Variants in CUX2 observed in about 807,000 individuals in gnomAD.
The protein encoded by CUX2 is homeobox protein cut-like 2.
CUX2 carries 40 observed loss-of-function variants against 144.8 expected under a neutral mutation model. The observed-to-expected ratio is 0.28, with a 90% CI of 0.21 to 0.36. The LOEUF (loss-of-function observed/expected upper bound fraction) is 0.36, where lower values mean the gene tolerates loss of function less well. Ranked by LOEUF, CUX2 falls within the 10% of genes least tolerant of loss-of-function variation. The pLI, the probability that CUX2 is intolerant of heterozygous loss-of-function variation, is 1.00. For missense variants in CUX2, 1,615 were observed against 1,994.0 expected (o/e 0.81, Z 3.62); for synonymous variants, 827 against 875.6 (o/e 0.94, Z 0.98).
chr12:111,199,070 A>G (rs1880413020), intron 1 of CUX2, among the ~76,000 whole-genome samples: 1 of 152,100 alleles, frequency 6.6e-6, no homozygotes, highest in Non-Finnish European at 1.5e-5. Context: ...GCGGAGAGAG[A>G]AGGGAGGAGG....
In CUX2 at chr12:111,337,561, G is replaced by A. The variant is rs554107038; in HGVS notation, c.3197-725G>A. ...TAAAAATAAGTCTGTGTGCATCTGTGTGAACTTGGGCAAGTGCAGCTATCC... is the reference window on the plus strand; with the variant it reads ...TAAAAATAAGTCTGTGTGCATCTGTATGAACTTGGGCAAGTGCAGCTATCC... On this transcript the variant is annotated intron_variant, in intron 19 of 21. Transcript: ENST00000261726. Among the ~76,000 whole-genome samples, 4 of 152,314 alleles carry A rather than the reference G, an allele frequency of 2.6e-5. No individual in the cohort carries two copies. In the South Asian group the frequency reaches 6.2e-4, roughly 24 times the overall value.
chr12:111,314,993 G>T (rs1181197641), intron 16 of CUX2, among the ~76,000 whole-genome samples: 1 of 152,180 alleles, frequency 6.6e-6, no homozygotes, highest in Non-Finnish European at 1.5e-5. Flanking sequence ...ACTTTCTCCT[G>T]GGGGTCGGAA....
chr12:111,090,258 G>T (rs1054675678), intron 1 of CUX2, among the ~76,000 whole-genome samples: 1 of 152,184 alleles, frequency 6.6e-6, no homozygotes, highest in Non-Finnish European at 1.5e-5. Flanking sequence ...GGGCTGGCCC[G>T]AAAGGGGCAA....
chr12:111,161,974 G>A (rs928387964), intron 1 of CUX2, among the ~76,000 whole-genome samples: 12 of 152,178 alleles, frequency 7.9e-5, no homozygotes, highest in East Asian at 1.9e-4. Context: ...GGGCTCAAGC[G>A]ATCCTCCTGC....
At chr12:111,326,797 G>T (rs558019827) in intron 18 of CUX2, among the ~76,000 whole-genome samples, 2 of 152,042 alleles carry the variant, frequency 1.3e-5, no homozygotes, top group Non-Finnish European at 2.9e-5. Flanking sequence ...CCAGCTACTC[G>T]GGAGGCTAAG....
At chr12:111,207,486 C>A (rs185765834) in intron 1 of CUX2, among the ~76,000 whole-genome samples, 3 of 152,214 alleles carry the variant, frequency 2.0e-5, no homozygotes, top group African/African-American at 7.2e-5. Context: ...CAGATGAGGT[C>A]CAACATCTTC....
rs1421431675 is a variant in CUX2 at position 111,169,676 on chromosome 12, G to A, written c.64-44524G>A. On this transcript the variant is annotated intron_variant, in intron 1 of 21. Coordinates refer to ENST00000261726, the MANE Select transcript of CUX2 (RefSeq NM_015267.4). ...GGCTCCGCAGCCTGCTTCGCGTCAC[G>A]TTAATATGTGATTAAAGGGGTCTTA... Among the ~76,000 whole-genome samples the A allele has an allele frequency of 8.5e-5, 13 of 152,290 alleles. No homozygotes were observed. In the South Asian group the frequency reaches 1.5e-3, roughly 17 times the overall value.
intron 21 of CUX2, among the ~76,000 whole-genome samples, chr12:111,342,524 G>T (rs553554392): frequency 1.3e-5 from 2 of 151,966 alleles, no homozygotes; most frequent in East Asian, 3.9e-4. Context: ...AGAAATCCCA[G>T]CTCCATCACT....
chr12:111,239,070 C>G (rs1229030156), intron 3 of CUX2, among the ~76,000 whole-genome samples: 1 of 152,048 alleles, frequency 6.6e-6, no homozygotes, highest in African/African-American at 2.4e-5. Flanking sequence ...ATAAATGGCT[C>G]AATTTACAGG....
chr12:111,285,910 C>T (rs1885356683), intron 4 of CUX2, among the ~76,000 whole-genome samples: 1 of 152,232 alleles, frequency 6.6e-6, no homozygotes, highest in Admixed American at 6.5e-5. Flanking sequence ...AAGGGCCCAT[C>T]TCAGCCTGCC....
chr12:111,177,425 C>T (rs1024872541), intron 1 of CUX2, among the ~76,000 whole-genome samples: 1 of 152,110 alleles, frequency 6.6e-6, no homozygotes, highest in Non-Finnish European at 1.5e-5. Context: ...GAGTCTCACT[C>T]TTTCACCCAG....
chr12:111,301,038 C>CAAAA lies in CUX2; in HGVS notation c.753+2465_753+2468dup, dbSNP rs3061127. 5.8e-3 allele frequency among the ~76,000 whole-genome samples: 622 copies of CAAAA among 106,508 alleles called. 4 individuals carry two copies. Among genetic ancestry groups the CAAAA allele is most frequent in the African/African-American group, 0.016 (538 of 33,032 alleles). 69.9% of individuals were successfully genotyped at this position (106,508 alleles called of 152,430 possible). A position where few individuals can be genotyped will look rare whatever the true frequency, so the allele number is the denominator to read the frequency against. On this transcript the variant is annotated intron_variant, in intron 9 of 21. Transcript: ENST00000261726. ...TGGACAACAGAGTGAGACCCTATCT[C>CAAAA]AAAAAAAAAAAAAAAAAAATCCAGC...
chr12:111,228,899 T>C (rs570708629), intron 3 of CUX2, among the ~76,000 whole-genome samples: 1 of 152,246 alleles, frequency 6.6e-6, no homozygotes, highest in South Asian at 2.1e-4. Context: ...TCGTCATCTG[T>C]AAAATGGTCC....
chr12:111,297,233 C>T (rs917446383), intron 8 of CUX2, among the ~76,000 whole-genome samples: 8 of 152,148 alleles, frequency 5.3e-5, no homozygotes, highest in Non-Finnish European at 1.5e-5. Context: ...CCCAGACACG[C>T]CTCCACCCTC....
intron 1 of CUX2, among the ~76,000 whole-genome samples, chr12:111,174,415 G>C (rs1471877807): frequency 2.6e-5 from 4 of 152,228 alleles, no homozygotes; most frequent in South Asian, 2.1e-4. Context: ...TTTCTCACTT[G>C]AAGAAGTTGT....
chr12:111,140,570 T>G (rs924656260), intron 1 of CUX2, among the ~76,000 whole-genome samples: 1 of 152,198 alleles, frequency 6.6e-6, no homozygotes, highest in African/African-American at 2.4e-5. Context: ...ATTAATAGGT[T>G]TCATCCACTA....
At position 111,061,176 on chromosome 12, in the gene CUX2, ATG is replaced by A. The variant is rs1870756056; in HGVS notation, c.63+26937_63+26938del. Among the ~76,000 whole-genome samples the A allele has an allele frequency of 4.5e-5, 5 of 111,476 alleles. No homozygotes were observed. Among genetic ancestry groups the A allele is most frequent in the African/African-American group, 1.8e-4 (5 of 28,396 alleles). 73.1% of individuals were successfully genotyped at this position (111,476 alleles called of 152,430 possible). A position where few individuals can be genotyped will look rare whatever the true frequency, so the allele number is the denominator to read the frequency against. Reference sequence around the variant, plus strand: ...GCTGTCCCCAGATGTGTGCATGCATATGCACACACACACACACACACACACAC... The same window carrying A: ...GCTGTCCCCAGATGTGTGCATGCATACACACACACACACACACACACACAC... On this transcript the variant is annotated intron_variant, in intron 1 of 21. Transcript: ENST00000261726. This position sits in a 1 kb window ranked among gnomAD's most constrained non-coding sequence, Gnocchi z 4.2.
At chr12:111,150,299 C>T (rs1592941809) in intron 1 of CUX2, among the ~76,000 whole-genome samples, 1 of 152,118 alleles carries the variant, frequency 6.6e-6, no homozygotes, top group Non-Finnish European at 1.5e-5. Context: ...TTTTTTTAAC[C>T]TTCCTCCTCC....
intron 1 of CUX2, among the ~76,000 whole-genome samples, chr12:111,195,567 A>G (rs1380893890): frequency 2.0e-5 from 3 of 152,216 alleles, no homozygotes; most frequent in Non-Finnish European, 4.4e-5. Context: ...CATCTTGTGG[A>G]CTGACAGACA....
Sources: gnomAD v4.1 joint callset for allele counts (sites outside exome capture counted in the v4.1 genomes callset) on GRCh38, gnomAD v4.1.1 for gene constraint, Gnocchi (gnomAD v3.1) non-coding constraint, MANE v1.5 for transcripts, NCBI Gene and HGNC (gene_info 2026-07-23, HGNC 2026-07-21) for gene names.